The following CDKAL1 variants were observed in gnomAD, a reference collection of about 807,000 sequenced individuals.
The protein encoded by CDKAL1 is CDKAL1 threonylcarbamoyladenosine tRNA methylthiotransferase.
A neutral mutation model predicts 68.2 loss-of-function variants in CDKAL1; 32 were observed. The observed-to-expected ratio is 0.47, with a 90% CI of 0.35 to 0.63. The LOEUF is 0.63. Among genes scored for constraint, CDKAL1 ranks in the 30% least tolerant of loss-of-function variants. The pLI is 0.00. For missense variants in CDKAL1, 606 were observed against 696.7 expected (o/e 0.87, Z 1.47); for synonymous variants, 234 against 244.3 (o/e 0.96, Z 0.39).
At chr6:20,557,547 A>G (rs1764104212) in intron 4 of CDKAL1, among the ~76,000 whole-genome samples, 1 of 152,168 alleles carries the variant, frequency 6.6e-6, no homozygotes, top group African/African-American at 2.4e-5. Context: ...TACTATATAT[A>G]TGTATACATA....
chr6:20,570,588 A>G (rs1764660490), intron 4 of CDKAL1, among the ~76,000 whole-genome samples: 1 of 152,130 alleles, frequency 6.6e-6, no homozygotes, highest in Non-Finnish European at 1.5e-5. Flanking sequence ...TTTAGTAGAG[A>G]CAGAGTTTCA....
At chr6:20,786,314 A>G (rs190885051) in intron 8 of CDKAL1, among the ~76,000 whole-genome samples, 1 of 152,248 alleles carries the variant, frequency 6.6e-6, no homozygotes, top group African/African-American at 2.4e-5. Context: ...TAAATTTTGG[A>G]TGGGCACAGC....
At chr6:21,200,644 G>A (rs973046883) in intron 14 of CDKAL1, among the ~76,000 whole-genome samples, 1 of 152,192 alleles carries the variant, frequency 6.6e-6, no homozygotes, top group African/African-American at 2.4e-5. Context: ...GATATCAAAG[G>A]CCTGTCCAGA....
At chr6:21,084,135 G>A (rs1376751178) in intron 12 of CDKAL1, among the ~76,000 whole-genome samples, 1 of 152,086 alleles carries the variant, frequency 6.6e-6, no homozygotes, top group African/African-American at 2.4e-5. Flanking sequence ...CAGTGGTTTA[G>A]TTCACATTTG....
chr6:20,977,841 G>T (rs1765914803), intron 10 of CDKAL1, among the ~76,000 whole-genome samples: 1 of 152,058 alleles, frequency 6.6e-6, no homozygotes. Context: ...TTGCTCCACT[G>T]CACTCCAGCC....
intron 12 of CDKAL1, among the ~76,000 whole-genome samples, chr6:21,079,155 T>C (rs1350989795): frequency 6.6e-6 from 1 of 152,128 alleles, no homozygotes; most frequent in East Asian, 1.9e-4. Context: ...GTGAGATATA[T>C]TTTTGTTTGT....
chr6:20,800,243 A>G (rs556304412), intron 8 of CDKAL1, among the ~76,000 whole-genome samples: 21 of 152,362 alleles, frequency 1.4e-4, no homozygotes, highest in Non-Finnish European at 2.5e-4. Context: ...AGATAGGGTT[A>G]CAATAGAATA....
chr6:20,893,905 G>A (rs940272118), intron 9 of CDKAL1, among the ~76,000 whole-genome samples: 2 of 152,112 alleles, frequency 1.3e-5, no homozygotes, highest in African/African-American at 4.8e-5. Flanking sequence ...CAAAAAGATT[G>A]AGTTGTTTCT....
At chr6:20,657,634 A>G (rs4712524) in intron 5 of CDKAL1, among the ~76,000 whole-genome samples, 60,231 of 152,026 alleles carry the variant, frequency 0.4, 13,060 homozygotes, top group African/African-American at 0.58. Flanking sequence ...TACAGTCTCA[A>G]TGATTAAGAT....
At chr6:20,952,905 A>G (rs1764603853) in intron 9 of CDKAL1, among the ~76,000 whole-genome samples, 1 of 152,220 alleles carries the variant, frequency 6.6e-6, no homozygotes, top group African/African-American at 2.4e-5. Context: ...TATTTGAAGG[A>G]TCCATTCTCA....
At chr6:20,970,303 C>G (rs1765528306) in intron 10 of CDKAL1, among the ~76,000 whole-genome samples, 1 of 152,108 alleles carries the variant, frequency 6.6e-6, no homozygotes, top group Non-Finnish European at 1.5e-5. Context: ...TTAGGATAGG[C>G]CAAACACACC....
chr6:20,586,978 G>GGT (rs1554157982), intron 4 of CDKAL1, among the ~76,000 whole-genome samples: 1 of 44,452 alleles, frequency 2.2e-5, no homozygotes, highest in African/African-American at 9.5e-5. Context: ...TCCTCCAGGT[G>GGT]TTTTTTTTTT....
At chr6:21,092,364 GT>G (rs1355995749) in intron 12 of CDKAL1, among the ~76,000 whole-genome samples, 2 of 151,244 alleles carry the variant, frequency 1.3e-5, no homozygotes, top group African/African-American at 4.9e-5. Context: ...CTTCATCTAG[GT>G]TTTAAGCCCC....
chr6:20,544,164 A>G (rs886180521), intron 2 of CDKAL1, among the ~76,000 whole-genome samples: 2 of 152,080 alleles, frequency 1.3e-5, no homozygotes, highest in African/African-American at 4.8e-5. Flanking sequence ...TTAAAAAGCA[A>G]TCTTTCCTCC....
rs186181242 is a variant in CDKAL1 at position 21,112,284 on chromosome 6, A to C, written c.1299+3821A>C. On this transcript the variant is annotated intron_variant, in intron 13 of 15. Transcript: ENST00000274695. The stretch of plus-strand genomic sequence containing the variant: ...GGGGGAAATCTAGGTTTATTAGCCA[A>C]ACACACATGTTTATAATCTGCTATT... Among the ~76,000 whole-genome samples the C allele has an allele frequency of 9.8e-5, 15 of 152,352 alleles. No homozygotes were observed. The East Asian group carries it at 2.1e-3, about 22-fold the overall frequency.
intron 5 of CDKAL1, among the ~76,000 whole-genome samples, chr6:20,694,054 G>GTGTA (rs1326571100): frequency 2.5e-5 from 2 of 79,122 alleles, no homozygotes; most frequent in Admixed American, 1.7e-4. Context: ...GTGTGTGTGT[G>GTGTA]TGTGTGTATG....
intron 12 of CDKAL1, among the ~76,000 whole-genome samples, chr6:21,069,366 T>C (rs1771627053): frequency 6.6e-6 from 1 of 152,188 alleles, no homozygotes; most frequent in South Asian, 2.1e-4. Context: ...ATGAATAGAG[T>C]TGAACTTTAT....
chr6:20,917,771 T>C (rs1373809272), intron 9 of CDKAL1, among the ~76,000 whole-genome samples: 2 of 152,176 alleles, frequency 1.3e-5, no homozygotes, highest in Non-Finnish European at 2.9e-5. Context: ...TTTTGAAAGA[T>C]TAAATATACT....
chr6:21,079,409 G>C (rs1404063008), intron 12 of CDKAL1, among the ~76,000 whole-genome samples: 2 of 152,206 alleles, frequency 1.3e-5, no homozygotes, highest in African/African-American at 4.8e-5. Context: ...GCTACTGCAA[G>C]AGATAGAGTT....
Sources: allele counts gnomAD v4.1 joint callset (sites outside exome capture counted in the v4.1 genomes callset), GRCh38; gene constraint gnomAD v4.1.1; transcripts MANE v1.5; gene names NCBI Gene and HGNC (gene_info 2026-07-23, HGNC 2026-07-21).